Variants in CEP170 observed in about 807,000 individuals in gnomAD.
CEP170 encodes centrosomal protein of 170 kDa.
In CEP170, 21 loss-of-function variants were observed where a neutral mutation model predicts 151.9. The ratio of observed to expected loss-of-function variants is 0.14; its 90% CI spans 0.10 to 0.20. The LOEUF (loss-of-function observed/expected upper bound fraction) is 0.20. CEP170 is among the 10% of genes least tolerant of loss of function. CEP170 has a pLI of 1.00. For synonymous variants in CEP170, 356 were observed against 648.8 expected, an observed-to-expected ratio of 0.55 and a Z score of 6.86; for missense variants, 964 against 1,892.9, an observed-to-expected ratio of 0.51 and a Z score of 9.11.
intron 3 of CEP170, among the ~76,000 whole-genome samples, chr1:243,217,512 T>C (rs2062407734): frequency 6.6e-6 from 1 of 152,204 alleles, no homozygotes; most frequent in African/African-American, 2.4e-5. Flanking sequence ...CTTTCAGAGA[T>C]CGAGAAACAT....
rs756108651 is a variant in CEP170, at chr1:243,156,387, G to A, written c.3745C>T (p.Arg1249Cys). 1.3e-6 allele frequency: 2 copies of A among 1,557,832 alleles called. No homozygotes were observed. Among genetic ancestry groups the A allele is most frequent in the South Asian group, 1.2e-5 (1 of 84,510 alleles). Residue 1249 changes from arginine (R) to cysteine (C), a missense_variant, in exon 14 of 20, where the codon CGT (arginine) becomes TGT (cysteine). By Grantham distance (180) the Arg-to-Cys change is radical. Transcript: ENST00000366542. ...AGACGGGTATGTTTAGGGGAATTAC[G>A]GTTTGATCCAAATTCATCTTCTGAG... ...STSEDEFGSN[R>C]NSPKHTRLRT...
intron 1 of CEP170, among the ~76,000 whole-genome samples, chr1:243,249,760 G>A (rs909176578): frequency 3.7e-4 from 57 of 152,088 alleles, no homozygotes; most frequent in Non-Finnish European, 1.3e-4. Context: ...TTTACTGCTG[G>A]AGGATATAAT....
rs759249913 is a variant in CEP170, at chr1:243,186,416, T to G, written c.1115A>C (p.Lys372Thr). The G allele has an allele frequency of 6.3e-7, 1 of 1,593,858 alleles. No homozygotes were observed. Among genetic ancestry groups the G allele is most frequent in the Non-Finnish European group, 8.5e-7 (1 of 1,173,252 alleles). The stretch of plus-strand genomic sequence containing the variant: ...ATCACTTTGCGTACCATCATCATGT[T>G]TATTTCCTGGATACAAAAAGAAAAC... ...PVYLKRLKGN[K>T]HDDGTQSDSE... The change falls in exon 9 of 20, where the codon AAA (lysine) becomes ACA (threonine). Residue 372 changes from lysine to threonine, a missense_variant. Physicochemically the swap from Lys to Thr is moderately conservative, Grantham distance 78. Coordinates refer to ENST00000366542, the MANE Select transcript of CEP170 (RefSeq NM_014812.3).
chr1:243,149,691 A>C (rs1263331380), intron 14 of CEP170, among the ~76,000 whole-genome samples: 1 of 152,232 alleles, frequency 6.6e-6, no homozygotes, highest in African/African-American at 2.4e-5. Context: ...CTCACCTCCA[A>C]TTACAACCCA....
Position 243,126,518 on chromosome 1 carries a change from A to T in CEP170, c.4686T>A (p.Ala1562=), listed in dbSNP as rs773146393. Residue 1562 remains alanine, a synonymous_variant, in exon 20 of 20, where the codon GCT becomes GCA. Coordinates refer to ENST00000366542, the MANE Select transcript of CEP170 (RefSeq NM_014812.3). ...ATCTATTGAAATGTATACTGAAATC[A>T]GCCTCAGATTCAGCATTCTCAAATT... ...AAEFENAESE[A]DFSIHFNRFN... is the part of the protein sequence containing the mutation. The T allele has an allele frequency of 2.5e-6, 4 of 1,606,562 alleles. No individual in the cohort carries two copies. Among genetic ancestry groups the T allele is most frequent in the Non-Finnish European group, 3.4e-6 (4 of 1,175,976 alleles).
chr1:243,235,194 G>A (rs2064144051), intron 1 of CEP170, among the ~76,000 whole-genome samples: 2 of 152,102 alleles, frequency 1.3e-5, no homozygotes, highest in Admixed American at 6.6e-5. Context: ...GAAAACCTCA[G>A]GGGCAGTGGG....
intron 1 of CEP170, among the ~76,000 whole-genome samples, chr1:243,236,788 A>T (rs1304866520): frequency 6.6e-6 from 1 of 152,206 alleles, no homozygotes; most frequent in African/African-American, 2.4e-5. Context: ...TACAGGAGGG[A>T]GTGACAATGG....
At chr1:243,146,082 T>A (rs1336831621) in intron 14 of CEP170, among the ~76,000 whole-genome samples, 2 of 152,140 alleles carry the variant, frequency 1.3e-5, no homozygotes, top group African/African-American at 2.4e-5. Flanking sequence ...GAATGGAAAA[T>A]CAAACACCAC....
chr1:243,218,158 C>G (rs2062473814), intron 3 of CEP170, among the ~76,000 whole-genome samples: 1 of 152,264 alleles, frequency 6.6e-6, no homozygotes, highest in African/African-American at 2.4e-5. Flanking sequence ...AGCCTCCTCT[C>G]CTTCCCTAAC....
At chr1:243,141,771 T>C (rs762006879) in intron 15 of CEP170, among the ~76,000 whole-genome samples, 2 of 152,266 alleles carry the variant, frequency 1.3e-5, no homozygotes, top group African/African-American at 4.8e-5. Flanking sequence ...CCAGACTTTA[T>C]GAAAATGTTC....
chr1:243,214,998 A>C (rs535658378), intron 3 of CEP170, among the ~76,000 whole-genome samples: 7 of 152,248 alleles, frequency 4.6e-5, no homozygotes, highest in Non-Finnish European at 1.0e-4. Context: ...AAGAACATAA[A>C]TTGTGAAGAT....
chr1:243,192,050 G>A (rs2970431), intron 7 of CEP170, among the ~76,000 whole-genome samples: 5 of 152,190 alleles, frequency 3.3e-5, no homozygotes, highest in African/African-American at 7.2e-5. Flanking sequence ...CATTACATTC[G>A]GAAACATTAC....
At chr1:243,197,771 CA>C (rs2060756022) in intron 7 of CEP170, among the ~76,000 whole-genome samples, 1 of 151,882 alleles carries the variant, frequency 6.6e-6, no homozygotes, top group African/African-American at 2.4e-5. Flanking sequence ...TTATGTGAGC[CA>C]GTAAATTTCT....
chr1:243,190,932 G>T (rs1476754655), intron 8 of CEP170, 86 bp downstream of exon 8: 2 of 1,442,444 alleles, frequency 1.4e-6, no homozygotes, highest in East Asian at 2.5e-5. Context: ...TTTCTACCAT[G>T]TAAGTATCTA....
intron 2 of CEP170, among the ~76,000 whole-genome samples, chr1:243,224,218 A>G (rs1429602788): frequency 6.6e-6 from 1 of 152,192 alleles, no homozygotes; most frequent in East Asian, 1.9e-4. Context: ...TAACTTAATC[A>G]CGTTTCTGAT....
chr1:243,218,423 A>C (rs1007273308), intron 3 of CEP170, among the ~76,000 whole-genome samples: 1 of 152,226 alleles, frequency 6.6e-6, no homozygotes, highest in Non-Finnish European at 1.5e-5. Flanking sequence ...TTCCCAAAGA[A>C]AGAGAACCTT....
At position 243,139,126 on chromosome 1, in the gene CEP170, G is replaced by A. The variant is rs561632999; in HGVS notation, c.4230+811C>T. Among the ~76,000 whole-genome samples, 830 of 149,598 alleles carry A rather than the reference G, an allele frequency of 5.5e-3. 9 individuals carry two copies. Among genetic ancestry groups the A allele is most frequent in the Non-Finnish European group, 7.1e-3 (483 of 67,586 alleles). On this transcript the variant is annotated intron_variant, in intron 16 of 19. Transcript: ENST00000366542. ...TTTTCTTTTTTTTTTTTTGGAGACA[G>A]AGTCTCACTCTGTCACCCAGGCTGG...
intron 14 of CEP170, among the ~76,000 whole-genome samples, chr1:243,147,250 T>C (rs1236715822): frequency 6.6e-6 from 1 of 152,240 alleles, no homozygotes; most frequent in Non-Finnish European, 1.5e-5. Context: ...CCTGAAGCCT[T>C]TTCCTGGTTT....
At chr1:243,171,662 A>G (rs1558496587) in intron 11 of CEP170, among the ~76,000 whole-genome samples, 1 of 152,188 alleles carries the variant, frequency 6.6e-6, no homozygotes, top group African/African-American at 2.4e-5. Flanking sequence ...TTTTTGACAC[A>G]TCAATGTGGT....
Sources: gnomAD v4.1 joint callset for allele counts (sites outside exome capture counted in the v4.1 genomes callset) on GRCh38, gnomAD v4.1.1 for gene constraint, MANE v1.5 for transcripts, NCBI Gene and HGNC (gene_info 2026-07-23, HGNC 2026-07-21) for gene names.